Variants in GSTM4 observed in about 807,000 individuals in gnomAD.
The protein encoded by GSTM4 is glutathione S-transferase mu 4.
Under a neutral mutation model 30.1 loss-of-function variants are expected in GSTM4, and 27 were observed. The ratio of observed to expected loss-of-function variants is 0.90; its 90% CI spans 0.66 to 1.24. The LOEUF (loss-of-function observed/expected upper bound fraction) is 1.24. GSTM4 is among the 50% of genes most tolerant of loss of function. GSTM4 has a pLI of 0.00. For missense variants in GSTM4, 238 were observed against 272.1 expected, an observed-to-expected ratio of 0.87 and a Z score of 0.88; for synonymous variants, 94 against 96.2, an observed-to-expected ratio of 0.98 and a Z score of 0.13.
intron 5 of GSTM4, chr1:109,658,167 T>A: frequency 2.3e-6 from 1 of 434,258 alleles, no homozygotes; most frequent in Non-Finnish European, 4.2e-6. Flanking sequence ...CCCAGCTGGT[T>A]CATGCCATCT....
At chr1:109,658,690 G>T (rs1239294025) in intron 5 of GSTM4, 124 bp from the exon 6 acceptor site, 4 of 745,180 alleles carry the variant, frequency 5.4e-6, no homozygotes, top group South Asian at 1.6e-5. Flanking sequence ...GCTGAAGCCA[G>T]TTCCAGCTGT....
downstream of GSTM4, among the ~76,000 whole-genome samples, chr1:109,665,969 G>T (rs1444750892): frequency 6.6e-6 from 1 of 152,164 alleles, no homozygotes; most frequent in African/African-American, 2.4e-5. Flanking sequence ...TCGACTTTTG[G>T]CCACCCCTAA....
downstream of GSTM4, chr1:109,661,833 CCAACTTTGTT>C: frequency 2.1e-6 from 1 of 475,792 alleles, no homozygotes; most frequent in South Asian, 9.0e-5. Context: ...TAAGGTGTTT[CCAACTTTGTT>C]TTTTTTTTGA....
Position 109,656,319 on chromosome 1 carries a change from C to G in GSTM4, c.-71C>G, listed in dbSNP as rs902333609. 68 of 1,492,558 alleles carry G rather than the reference C, an allele frequency of 4.6e-5. No individual in the cohort carries two copies. Among genetic ancestry groups the G allele is most frequent in the Admixed American group, 8.4e-5 (5 of 59,712 alleles). 92.5% of individuals were successfully genotyped at this position (1,492,558 alleles called of 1,614,324 possible). On this transcript the variant is annotated 5_prime_UTR_variant, in exon 1 of 8. Coordinates refer to ENST00000369836, the MANE Select transcript of GSTM4 (RefSeq NM_000850.5). ...GGCGCTAGGTCCAGCCCCTGCGTGC[C>G]GGGAACCCCAGAGGAGGTCGCAGTT...
chr1:109,661,700 A>G lies in GSTM4; in HGVS notation c.*446A>G, dbSNP rs1337202346. On this transcript the variant is annotated 3_prime_UTR_variant, in exon 8 of 8. Coordinates refer to ENST00000369836, the MANE Select transcript of GSTM4 (RefSeq NM_000850.5). ...CTGATCAAAATAAAGCCTCAGCCAC[A>G]TTTGCTATAGTCTTGTCTTATTTGC... 9.3e-7 allele frequency: 1 copy of G among 1,078,804 alleles called. No individual in the cohort carries two copies. Among genetic ancestry groups the G allele is most frequent in the Non-Finnish European group, 1.1e-6 (1 of 886,470 alleles). The allele number at this position is 1,078,804 out of a possible 1,614,324, so 66.8% of individuals were successfully genotyped here. A position where few individuals can be genotyped will look rare whatever the true frequency, so the allele number is the denominator to read the frequency against.
downstream of GSTM4, chr1:109,665,499 C>CCTTAT (rs1365639450): frequency 1.2e-5 from 2 of 163,656 alleles, no homozygotes; most frequent in African/African-American, 2.4e-5. Context: ...TTTCCTACAG[C>CCTTAT]CTTATCTTAG....
intron 5 of GSTM4, 142 bp downstream of exon 5, chr1:109,658,014 C>T (rs1652115835): frequency 4.4e-6 from 3 of 683,714 alleles, no homozygotes; most frequent in African/African-American, 1.8e-5. Context: ...TATCATTAAA[C>T]TTATAAAATA....
chr1:109,657,318 G>A (rs777685434), intron 3 of GSTM4, 39 bp downstream of exon 3: 14 of 1,604,356 alleles, frequency 8.7e-6, no homozygotes, highest in South Asian at 5.5e-5. Flanking sequence ...GGGAAAGTGC[G>A]ACGTGTCTCT....
intron 7 of GSTM4, chr1:109,659,554 G>C (rs1052956772): frequency 1.0e-4 from 51 of 490,656 alleles, no homozygotes; most frequent in African/African-American, 7.6e-4. Flanking sequence ...GCAATAGTAG[G>C]ACTGACACAC....
chr1:109,661,056 C>T (rs745880686), intron 7 of GSTM4, 109 bp from the exon 8 acceptor site: 46 of 1,487,010 alleles, frequency 3.1e-5, no homozygotes, highest in Middle Eastern at 1.8e-4. Context: ...CTTGAGCCCA[C>T]GTGGAAAGGC....
rs1243852384 is a variant in GSTM4 at position 109,661,244 on chromosome 1, G to C, written c.647G>C (p.Gly216Ala). 1.8e-5 allele frequency: 29 copies of C among 1,611,170 alleles called. No individual in the cohort carries two copies. Among genetic ancestry groups the C allele is most frequent in the Non-Finnish European group, 2.5e-5 (29 of 1,179,524 alleles). Reference sequence around the variant, plus strand: ...CTGTACACAAGGGTGGCTGTCTGGGGCAACAAGTAATGCCTTGAAGGCCAG... The same window carrying C: ...CTGTACACAAGGGTGGCTGTCTGGGCCAACAAGTAATGCCTTGAAGGCCAG... The part of the protein sequence containing the change: ...KPLYTRVAVW[G>A]NK Residue 216 changes from glycine (G) to alanine (A), a missense_variant, in exon 8 of 8, where the codon GGC (glycine) becomes GCC (alanine). Coordinates refer to ENST00000369836, the MANE Select transcript of GSTM4 (RefSeq NM_000850.5).
chr1:109,659,196 A>C (rs1652183503), intron 7 of GSTM4, 86 bp downstream of exon 7: 1 of 1,614,224 alleles, frequency 6.2e-7, no homozygotes, highest in African/African-American at 1.3e-5. Context: ...AGCTACATAA[A>C]GAATAACTTG....
chr1:109,664,908 T>C, downstream of GSTM4: 3 of 1,239,316 alleles, frequency 2.4e-6, no homozygotes, highest in Non-Finnish European at 3.6e-6. Flanking sequence ...ATTCTCTACC[T>C]GTGGCTTAGT....
At chr1:109,657,473 G>T (rs1652071186) in intron 3 of GSTM4, 117 bp from the exon 4 acceptor site, 3 of 1,499,426 alleles carry the variant, frequency 2.0e-6, no homozygotes, top group African/African-American at 1.4e-5. Flanking sequence ...TCTATGTCAG[G>T]CCTGCCATGA....
At chr1:109,657,192 T>C in intron 2 of GSTM4, 23 bp from the exon 3 acceptor site, 1 of 1,611,906 alleles carries the variant, frequency 6.2e-7, no homozygotes, top group East Asian at 2.2e-5. Context: ...AGGTTTGTTT[T>C]CACTTCTTCT....
At chr1:109,657,931 C>T in intron 5 of GSTM4, 59 bp downstream of exon 5, 1 of 1,469,128 alleles carries the variant, frequency 6.8e-7, no homozygotes, top group Admixed American at 1.7e-5. Flanking sequence ...TACTCTGGTC[C>T]TATTCACAAT....
At chr1:109,666,568 C>T (rs370217429), downstream of GSTM4, among the ~76,000 whole-genome samples, 1 of 152,218 alleles carries the variant, frequency 6.6e-6, no homozygotes. Flanking sequence ...TCCTGATGTG[C>T]AGCTTGATGC....
In GSTM4 at chr1:109,656,268, C is replaced by T; in HGVS notation, c.-122C>T. 1.1e-6 allele frequency: 1 copy of T among 886,588 alleles called. No individual in the cohort carries two copies. Among genetic ancestry groups the T allele is most frequent in the South Asian group, 1.5e-5 (1 of 67,890 alleles). 54.9% of individuals were successfully genotyped at this position (886,588 alleles called of 1,614,324 possible). ...AGTGACGACCTTGAAGATCGGCGGGCGCAGCGGGGCCGAGGGGGCGGGTCT... is the reference window on the plus strand; with the variant it reads ...AGTGACGACCTTGAAGATCGGCGGGTGCAGCGGGGCCGAGGGGGCGGGTCT... On this transcript the variant is annotated 5_prime_UTR_variant, in exon 1 of 8. Coordinates refer to ENST00000369836, the MANE Select transcript of GSTM4 (RefSeq NM_000850.5).
chr1:109,659,629 A>G (rs1652212267), intron 7 of GSTM4: 6 of 363,678 alleles, frequency 1.6e-5, no homozygotes, highest in Middle Eastern at 9.5e-4. Flanking sequence ...GAAGCTTTGC[A>G]CGATCAGACC....
Sources: allele counts gnomAD v4.1 joint callset (sites outside exome capture counted in the v4.1 genomes callset), GRCh38; gene constraint gnomAD v4.1.1; transcripts MANE v1.5; gene names NCBI Gene and HGNC (gene_info 2026-07-23, HGNC 2026-07-21).